Variants in SLC2A9 observed in about 807,000 individuals in gnomAD.
The protein encoded by SLC2A9 is solute carrier family 2 member 9.
In SLC2A9, 39 loss-of-function variants were observed where a neutral mutation model predicts 50.6. That is an observed-to-expected ratio of 0.77 (90% CI 0.60 to 1.01). The LOEUF (loss-of-function observed/expected upper bound fraction) is 1.01. Ranked by LOEUF, SLC2A9 falls within the 50% of genes least tolerant of loss-of-function variation. SLC2A9 has a pLI of 0.00. For missense variants in SLC2A9, 686 were observed against 677.6 expected, an observed-to-expected ratio of 1.01 and a Z score of -0.14; for synonymous variants, 324 against 276.9, an observed-to-expected ratio of 1.17 and a Z score of -1.69.
chr4:9,978,000 G>A (rs1008964695), intron 5 of SLC2A9, among the ~76,000 whole-genome samples: 5 of 152,238 alleles, frequency 3.3e-5, no homozygotes, highest in Non-Finnish European at 7.3e-5. Context: ...GGGACAAGAT[G>A]CGGAAGCAAA....
At chr4:9,778,774 A>G (rs1476174835), downstream of SLC2A9, among the ~76,000 whole-genome samples, 2 of 152,134 alleles carry the variant, frequency 1.3e-5, no homozygotes, top group African/African-American at 4.8e-5. Flanking sequence ...CAGAACACTC[A>G]TGCATTAATT....
intron 6 of SLC2A9, among the ~76,000 whole-genome samples, chr4:9,941,003 C>A (rs1748024544): frequency 6.6e-6 from 1 of 152,174 alleles, no homozygotes; most frequent in Admixed American, 6.5e-5. Flanking sequence ...AAGTTTATGT[C>A]ATTTCCTTTT....
At chr4:9,918,757 A>G (rs970629816) in intron 7 of SLC2A9, among the ~76,000 whole-genome samples, 1 of 152,142 alleles carries the variant, frequency 6.6e-6, no homozygotes, top group Non-Finnish European at 1.5e-5. Flanking sequence ...TCCCACTGAG[A>G]TGGGAAGCCA....
chr4:10,017,445 T>G (rs1049155872), intron 2 of SLC2A9, among the ~76,000 whole-genome samples: 1 of 152,270 alleles, frequency 6.6e-6, no homozygotes, highest in Non-Finnish European at 1.5e-5. Flanking sequence ...GATCACTGAC[T>G]GTTGGCAGTG....
intron 5 of SLC2A9, among the ~76,000 whole-genome samples, chr4:9,971,085 G>T (rs1753841651): frequency 6.6e-6 from 1 of 152,178 alleles, no homozygotes; most frequent in South Asian, 2.1e-4. Context: ...TGCACTCAGG[G>T]AGCTCGGATT....
At chr4:9,933,812 C>T (rs545973148) in intron 6 of SLC2A9, among the ~76,000 whole-genome samples, 2 of 152,284 alleles carry the variant, frequency 1.3e-5, no homozygotes, top group Non-Finnish European at 2.9e-5. Context: ...CTTGTCTTTT[C>T]CAGCTCCTAT....
chr4:9,782,200 C>A, intron 3 of SLC2A9: 1 of 1,609,670 alleles, frequency 6.2e-7, no homozygotes, highest in Non-Finnish European at 8.5e-7. Flanking sequence ...CCCTGCTGGG[C>A]AACGTGCTGG....
chr4:9,799,475 C>T (rs914062530), intron 3 of SLC2A9, among the ~76,000 whole-genome samples: 2 of 151,906 alleles, frequency 1.3e-5, no homozygotes, highest in East Asian at 3.9e-4. Context: ...GGTCATTAAT[C>T]CCATTCAGAA....
chr4:9,900,465 G>T (rs968217761), intron 8 of SLC2A9, among the ~76,000 whole-genome samples: 1 of 151,908 alleles, frequency 6.6e-6, no homozygotes, highest in African/African-American at 2.4e-5. Flanking sequence ...ATATTATTCA[G>T]AGCTTGGGGT....
At chr4:10,017,913 G>A (rs1303742364) in intron 2 of SLC2A9, among the ~76,000 whole-genome samples, 2 of 151,966 alleles carry the variant, frequency 1.3e-5, no homozygotes, top group African/African-American at 4.8e-5. Flanking sequence ...GGAGCTCCCC[G>A]CATTTCCCCA....
At chr4:9,844,570 T>C (rs772313818) in intron 10 of SLC2A9, among the ~76,000 whole-genome samples, 3 of 152,234 alleles carry the variant, frequency 2.0e-5, no homozygotes, top group Non-Finnish European at 4.4e-5. Flanking sequence ...ATTATGCACG[T>C]TCTTCATATG....
intron 2 of SLC2A9, among the ~76,000 whole-genome samples, chr4:10,004,751 C>G (rs1318250807): frequency 6.6e-6 from 1 of 152,180 alleles, no homozygotes; most frequent in Non-Finnish European, 1.5e-5. Flanking sequence ...TGCACTGTGA[C>G]CTGAGGCTTC....
At chr4:9,820,433 C>G (rs185720419) in intron 3 of SLC2A9, among the ~76,000 whole-genome samples, 105 of 152,168 alleles carry the variant, frequency 6.9e-4, no homozygotes, top group East Asian at 5.8e-3. Context: ...AACTGTTTTG[C>G]CATTCGTATA....
intron 10 of SLC2A9, among the ~76,000 whole-genome samples, chr4:9,886,406 C>T (rs1424087446): frequency 6.6e-6 from 1 of 150,534 alleles, no homozygotes; most frequent in East Asian, 2.0e-4. Flanking sequence ...TGCAGCCGTT[C>T]TGACCACCCT....
chr4:9,879,353 C>CAT (rs3834812), intron 10 of SLC2A9: 12 of 933,064 alleles, frequency 1.3e-5, no homozygotes, highest in African/African-American at 1.8e-5. Context: ...GACCATGAAG[C>CAT]GTGTGTGTGT....
rs536834646 is a variant in SLC2A9, at chr4:9,842,966, G to A, written c.1292-7958C>T. On this transcript the variant is annotated intron_variant, in intron 10 of 11. Transcript: ENST00000264784. ...TATGTTATTAGCAACACCACCATGG[G>A]AAGTCACATCTTAATCCAACTGGGA... Among the ~76,000 whole-genome samples the A allele has an allele frequency of 3.3e-5, 5 of 152,248 alleles. No individual in the cohort carries two copies. The East Asian group carries it at 9.7e-4, about 29-fold the overall frequency.
At chr4:10,005,370 T>C (rs1202765430) in intron 2 of SLC2A9, among the ~76,000 whole-genome samples, 1 of 152,170 alleles carries the variant, frequency 6.6e-6, no homozygotes, top group Admixed American at 6.5e-5. Flanking sequence ...CAGTAGAAGG[T>C]TGGAGGCTGC....
At chr4:9,817,093 A>G (rs150130233) in intron 3 of SLC2A9, among the ~76,000 whole-genome samples, 9 of 152,122 alleles carry the variant, frequency 5.9e-5, no homozygotes, top group Middle Eastern at 3.4e-3. Context: ...CTCTTCTTCT[A>G]GTATCACTTC....
At chr4:10,019,408 G>A (rs1004410339) in intron 1 of SLC2A9, 10 of 406,934 alleles carry the variant, frequency 2.5e-5, no homozygotes, top group Non-Finnish European at 4.5e-5. Flanking sequence ...GTCCGACCCA[G>A]ACAGAAAAAA....
Sources: allele counts gnomAD v4.1 joint callset (sites outside exome capture counted in the v4.1 genomes callset), GRCh38; gene constraint gnomAD v4.1.1; transcripts MANE v1.5; gene names NCBI Gene and HGNC (gene_info 2026-07-23, HGNC 2026-07-21).